TBC1D9B: variants seen among roughly 807,000 people sequenced by gnomAD.
TBC1D9B encodes the protein TBC1 domain family member 9B.
In TBC1D9B, 87 loss-of-function variants were observed where a neutral mutation model predicts 121.1. That is an observed-to-expected ratio of 0.72 (90% confidence interval 0.60 to 0.86). TBC1D9B has a LOEUF of 0.86. TBC1D9B is among the 40% of genes least tolerant of loss of function. TBC1D9B has a pLI of 0.00. For synonymous variants in TBC1D9B, 668 were observed against 670.1 expected (o/e 1.00, Z 0.05); for missense variants, 1,540 against 1,628.6 (o/e 0.95, Z 0.94).
chr5:179,892,511 C>T (rs1760895146), intron 5 of TBC1D9B, among the ~76,000 whole-genome samples: 1 of 152,224 alleles, frequency 6.6e-6, no homozygotes, highest in South Asian at 2.1e-4. Flanking sequence ...TGGAGTTTCC[C>T]ATAAGCTACA....
At chr5:179,886,357 G>A (rs1760684052) in intron 7 of TBC1D9B, among the ~76,000 whole-genome samples, 1 of 152,174 alleles carries the variant, frequency 6.6e-6, no homozygotes, top group Non-Finnish European at 1.5e-5. Flanking sequence ...GTGTTTGGAT[G>A]CATGAAGCCG....
At position 179,890,311 on chromosome 5, in the gene TBC1D9B, C is replaced by T. The variant is rs1434581786; in HGVS notation, c.1044+1068G>A. ...CTCCAGTGTGAGCTAGTCCTGCTCCCCGAGCTCCGCCAGGGCTCTCTACCA... is the reference window on the plus strand; with the variant it reads ...CTCCAGTGTGAGCTAGTCCTGCTCCTCGAGCTCCGCCAGGGCTCTCTACCA... On this transcript the variant is annotated intron_variant, in intron 6 of 20. Coordinates refer to ENST00000355235, the MANE Select transcript of TBC1D9B (RefSeq NM_015043.4). This position sits in a 1 kb window ranked among gnomAD's most constrained non-coding sequence, Gnocchi z 5.0. Among the ~76,000 whole-genome samples the T allele has an allele frequency of 6.6e-6, 1 of 152,202 alleles. No homozygotes were observed. Among genetic ancestry groups the T allele is most frequent in the Non-Finnish European group, 1.5e-5 (1 of 68,028 alleles).
At chr5:179,869,933 AC>A in intron 16 of TBC1D9B, 99 bp from the exon 17 acceptor site, 7 of 1,214,104 alleles carry the variant, frequency 5.8e-6, no homozygotes, top group Non-Finnish European at 7.9e-6. Context: ...GTGCTGCCCA[AC>A]TCCCTCCTGG....
intron 12 of TBC1D9B, among the ~76,000 whole-genome samples, chr5:179,873,567 C>T (rs142783586): frequency 9.0e-4 from 137 of 152,350 alleles, no homozygotes; most frequent in Non-Finnish European, 1.8e-3. Context: ...GGAAGGATGA[C>T]GAGCTTCCTC....
rs2113612686 is a variant in TBC1D9B at position 179,874,248 on chromosome 5, C to A, written c.2186+654G>T. Among the ~76,000 whole-genome samples, 1 of 152,210 alleles carries A rather than the reference C, an allele frequency of 6.6e-6. No homozygotes were observed. Among genetic ancestry groups the A allele is most frequent in the East Asian group, 1.9e-4 (1 of 5,158 alleles). ...ACCCAGGGAAGGGGCAGGGCCAGGT[C>A]TGATCAGAGTCATGGGATGCAGGCA... is the stretch of plus-strand genomic sequence containing the variant. On this transcript the variant is annotated intron_variant, in intron 12 of 20. Transcript: ENST00000355235. This position sits in a 1 kb window ranked among gnomAD's most constrained non-coding sequence, Gnocchi z 4.3.
intron 17 of TBC1D9B, 139 bp downstream of exon 17, chr5:179,869,630 C>A: frequency 2.2e-6 from 2 of 914,966 alleles, no homozygotes; most frequent in Non-Finnish European, 3.5e-6. Context: ...CCCGCTCCCT[C>A]TCCTCCAATG....
chr5:179,893,144 G>T (rs1206496338), intron 5 of TBC1D9B, 65 bp downstream of exon 5: 12 of 1,533,876 alleles, frequency 7.8e-6, no homozygotes, highest in Non-Finnish European at 1.0e-5. Context: ...GGACCAGGCA[G>T]GTCCCAGCCA....
rs1022917296 is a variant in TBC1D9B at position 179,885,596 on chromosome 5, A to G, written c.1254+2507T>C. On this transcript the variant is annotated intron_variant, in intron 7 of 20. Transcript: ENST00000355235. This position sits in a 1 kb window ranked among gnomAD's most constrained non-coding sequence, Gnocchi z 4.5. The stretch of plus-strand genomic sequence containing the variant: ...AGAGCAAGACTCTGTCCCCCCCCCA[A>G]AAAAAAAAAGATGGAGGTATTTTAC... Among the ~76,000 whole-genome samples the G allele has an allele frequency of 7.6e-5, 4 of 52,864 alleles. No individual in the cohort carries two copies. In the Admixed American group the frequency reaches 1.0e-3, roughly 14 times the overall value. 34.7% of individuals were successfully genotyped at this position (52,864 alleles called of 152,430 possible). A position where few individuals can be genotyped will look rare whatever the true frequency, so the allele number is the denominator to read the frequency against.
intron 17 of TBC1D9B, 63 bp from the exon 18 acceptor site, chr5:179,867,912 T>C (rs1167732855): frequency 5.5e-6 from 8 of 1,456,720 alleles, no homozygotes; most frequent in African/African-American, 2.8e-5. Flanking sequence ...TCAGAGTAAG[T>C]TCCCTCCAGC....
Position 179,890,766 on chromosome 5 carries a change from T to C in TBC1D9B, c.1044+613A>G, listed in dbSNP as rs969076155. Reference sequence around the variant, plus strand: ...CCTTCTATTTGGGCAAGGGCCCTTGTCCTTGCTGTCCACACCCCTTCGGTG... The same window carrying C: ...CCTTCTATTTGGGCAAGGGCCCTTGCCCTTGCTGTCCACACCCCTTCGGTG... On this transcript the variant is annotated intron_variant, in intron 6 of 20. Transcript: ENST00000355235. This position sits in a 1 kb window ranked among gnomAD's most constrained non-coding sequence, Gnocchi z 5.0. Among the ~76,000 whole-genome samples the C allele has an allele frequency of 2.0e-5, 3 of 152,198 alleles. No individual in the cohort carries two copies. Among genetic ancestry groups the C allele is most frequent in the African/African-American group, 7.2e-5 (3 of 41,450 alleles).
In TBC1D9B at chr5:179,864,051, G is replaced by C. The variant is rs377265918; in HGVS notation, c.3099C>G (p.Ala1033=). ...GCAGGAGGCTGGCCACGGTGGCGATGGCGTGGTACAGGTCCTGCTCCATGG... is the reference window on the plus strand; with the variant it reads ...GCAGGAGGCTGGCCACGGTGGCGATCGCGTGGTACAGGTCCTGCTCCATGG... ...EDPMEQDLYH[A]IATVASLLLR... The change falls in exon 21 of 21, where the codon GCC becomes GCG. Residue 1033 remains alanine, a synonymous_variant. Coordinates refer to ENST00000355235, the MANE Select transcript of TBC1D9B (RefSeq NM_015043.4). The C allele has an allele frequency of 1.1e-5, 17 of 1,613,598 alleles. No individual in the cohort carries two copies. The highest frequency in any genetic ancestry group is 1.4e-5 in the Non-Finnish European group (16 of 1,180,044).
intron 6 of TBC1D9B, among the ~76,000 whole-genome samples, chr5:179,889,838 C>T (rs1051079119): frequency 7.0e-6 from 1 of 141,932 alleles, no homozygotes; most frequent in Non-Finnish European, 1.5e-5. Flanking sequence ...CACACCACTG[C>T]ACTCCTGCCC....
intron 8 of TBC1D9B, 39 bp from the exon 9 acceptor site, chr5:179,879,236 C>T (rs775731212): frequency 1.3e-5 from 21 of 1,581,490 alleles, no homozygotes; most frequent in Admixed American, 3.5e-5. Flanking sequence ...GGGGCCGAAG[C>T]GCATCTGAGT....
Position 179,863,136 on chromosome 5 carries a change from G to A in TBC1D9B, c.*312C>T, listed in dbSNP as rs1007783720. On this transcript the variant is annotated 3_prime_UTR_variant, in exon 21 of 21. Coordinates refer to ENST00000355235, the MANE Select transcript of TBC1D9B (RefSeq NM_015043.4). This position sits in a 1 kb window ranked among gnomAD's most constrained non-coding sequence, Gnocchi z 4.5. The stretch of plus-strand genomic sequence containing the variant: ...GAGCACAGAGGTATGAGGCAAGCAA[G>A]GGCAGATCTGAGAGCCTGTAATGCT... 1.3e-5 allele frequency: 5 copies of A among 388,540 alleles called. No homozygotes were observed. The highest frequency in any genetic ancestry group is 1.9e-5 in the Non-Finnish European group (4 of 212,102). 24.1% of individuals were successfully genotyped at this position (388,540 alleles called of 1,614,324 possible).
Position 179,870,324 on chromosome 5 carries a change from G to A in TBC1D9B, c.2656C>T (p.Arg886Cys), listed in dbSNP as rs756398026. Reference protein sequence around the residue: ...CGSHTPLLAGRMFRLLDENKD... With the variant: ...CGSHTPLLAGCMFRLLDENKD... The stretch of plus-strand genomic sequence containing the variant: ...TTTTCGTCCAGGAGCCTGAACATGC[G>A]CCCTGCCAGCAGAGGTGTGTGGGAG... The change falls in exon 16 of 21, where the codon CGC (arginine) becomes TGC (cysteine). Residue 886 changes from arginine (R) to cysteine (C), a missense_variant. Transcript: ENST00000355235. 14 of 1,613,746 alleles carry A rather than the reference G, an allele frequency of 8.7e-6. No homozygotes were observed. The highest frequency in any genetic ancestry group is 1.3e-5 in the African/African-American group (1 of 74,932).
At chr5:179,889,036 C>A (rs169182) in intron 6 of TBC1D9B, among the ~76,000 whole-genome samples, 13,430 of 145,608 alleles carry the variant, frequency 0.092, 1,959 homozygotes, top group African/African-American at 0.31. Context: ...TGAGTGTGCA[C>A]TTTTTTTTTT....
chr5:179,865,160 C>T lies in TBC1D9B; in HGVS notation c.3021+94G>A, dbSNP rs1759970176. 8.3e-7 allele frequency: 1 copy of T among 1,207,990 alleles called. No individual in the cohort carries two copies. The highest frequency in any genetic ancestry group is 2.3e-5 in the East Asian group (1 of 42,730). The allele number at this position is 1,207,990 out of a possible 1,614,324, so 74.8% of individuals were successfully genotyped here. A position where few individuals can be genotyped will look rare whatever the true frequency, so the allele number is the denominator to read the frequency against. On this transcript the variant is annotated intron_variant, in intron 20 of 20. Transcript: ENST00000355235. This position sits in a 1 kb window ranked among gnomAD's most constrained non-coding sequence, Gnocchi z 5.1. The stretch of plus-strand genomic sequence containing the variant: ...GGCAGGGAGGAGCCTTCCCACCCAC[C>T]AGGAGATGCTGCAGTGCAGGTGCGG...
At chr5:179,878,697 A>G (rs1760436428) in intron 9 of TBC1D9B, among the ~76,000 whole-genome samples, 174 bp from the exon 10 acceptor site, 1 of 152,156 alleles carries the variant, frequency 6.6e-6, no homozygotes, top group Non-Finnish European at 1.5e-5. Flanking sequence ...TCTACCCGAA[A>G]GTTCAAGTGG....
At chr5:179,892,271 T>C (rs1760888409) in intron 5 of TBC1D9B, among the ~76,000 whole-genome samples, 1 of 152,226 alleles carries the variant, frequency 6.6e-6, no homozygotes, top group Non-Finnish European at 1.5e-5. Flanking sequence ...TCGTGTTCTT[T>C]CCAAAAGGTC....
Sources: allele counts gnomAD v4.1 joint callset (sites outside exome capture counted in the v4.1 genomes callset), GRCh38; gene constraint gnomAD v4.1.1; non-coding constraint Gnocchi (gnomAD v3.1); transcripts MANE v1.5; gene names NCBI Gene and HGNC (gene_info 2026-07-23, HGNC 2026-07-21).